Variants in CHSY1 observed in about 807,000 individuals in gnomAD.
CHSY1 encodes the protein chondroitin sulfate synthase 1, also known as N-acetylgalactosaminyl-proteoglycan 3-beta-glucuronosyltransferase 1.
In CHSY1, 13 loss-of-function variants were observed where a neutral mutation model predicts 59.8. The ratio of observed to expected loss-of-function variants is 0.22; its 90% CI spans 0.14 to 0.35. CHSY1 has a LOEUF of 0.35. CHSY1 is among the 10% of genes least tolerant of loss of function. CHSY1 has a pLI of 1.00. For synonymous variants in CHSY1, 459 were observed against 401.2 expected, an observed-to-expected ratio of 1.14 and a Z score of -1.72; for missense variants, 947 against 1,030.6, an observed-to-expected ratio of 0.92 and a Z score of 1.11.
At chr15:101,200,597 C>T (rs1160725919) in intron 2 of CHSY1, among the ~76,000 whole-genome samples, 1 of 152,186 alleles carries the variant, frequency 6.6e-6, no homozygotes, top group Admixed American at 6.5e-5. Flanking sequence ...CCCCTGCACC[C>T]CCAGATGGGT....
chr15:101,230,082 C>T (rs2038878157), intron 2 of CHSY1, among the ~76,000 whole-genome samples: 1 of 151,734 alleles, frequency 6.6e-6, no homozygotes, highest in Non-Finnish European at 1.5e-5. Flanking sequence ...ACTAGGACTA[C>T]AGGCGCCCGC....
chr15:101,176,298 A>G lies in CHSY1; in HGVS notation c.*1090T>C. ...TAATGAAAGAATGAAAACCATCTCC[A>G]CCCACATAACACAGACAGGATGAAA... On this transcript the variant is annotated 3_prime_UTR_variant, in exon 3 of 3. Transcript: ENST00000254190. 1 of 398,504 alleles carries G rather than the reference A, an allele frequency of 2.5e-6. No individual in the cohort carries two copies. The highest frequency in any genetic ancestry group is 4.4e-6 in the Non-Finnish European group (1 of 226,024). The allele number at this position is 398,504 out of a possible 1,614,324, so 24.7% of individuals were successfully genotyped here.
At chr15:101,233,386 G>A (rs1315430163) in intron 2 of CHSY1, among the ~76,000 whole-genome samples, 2 of 152,144 alleles carry the variant, frequency 1.3e-5, no homozygotes, top group Admixed American at 1.3e-4. Flanking sequence ...TATGATTCCG[G>A]CAAGAAGGTT....
chr15:101,181,269 G>A (rs765549412), intron 2 of CHSY1, among the ~76,000 whole-genome samples: 4 of 152,222 alleles, frequency 2.6e-5, no homozygotes, highest in Non-Finnish European at 5.9e-5. Context: ...AGAGCTAGCA[G>A]AGTCATGACT....
chr15:101,214,435 T>C (rs3886524), intron 2 of CHSY1, among the ~76,000 whole-genome samples: 48,517 of 152,144 alleles, frequency 0.32, 9,632 homozygotes, highest in African/African-American at 0.57. Context: ...TCAACGTCAC[T>C]GCACAAGTTG....
rs35398576 is a variant in CHSY1 at position 101,186,147 on chromosome 15, C to CAAAAAA, written c.817-7173_817-7168dup. On this transcript the variant is annotated intron_variant, in intron 2 of 2. Coordinates refer to ENST00000254190, the MANE Select transcript of CHSY1 (RefSeq NM_014918.5). ...CAACATGGTGAAACCTTGTCTCTAC[C>CAAAAAA]AAAAAAAAAAAAAAAAAAAAAAAAT... 8.9e-3 allele frequency among the ~76,000 whole-genome samples: 710 copies of CAAAAAA among 79,530 alleles called. 4 individuals carry two copies. The highest frequency in any genetic ancestry group is 0.043 in the East Asian group (111 of 2,568). 52.2% of individuals were successfully genotyped at this position (79,530 alleles called of 152,430 possible).
At chr15:101,250,211 G>A (rs865917188) in intron 1 of CHSY1, among the ~76,000 whole-genome samples, 2 of 152,194 alleles carry the variant, frequency 1.3e-5, no homozygotes, top group African/African-American at 4.8e-5. Context: ...ACATTGGTTT[G>A]CTCTGTGGCT....
chr15:101,238,060 T>C (rs1327042396), intron 1 of CHSY1, among the ~76,000 whole-genome samples: 1 of 152,224 alleles, frequency 6.6e-6, no homozygotes, highest in African/African-American at 2.4e-5. Flanking sequence ...AGCTGGAATG[T>C]GTGTGGACAA....
At chr15:101,210,153 AT>A (rs1229386679) in intron 2 of CHSY1, among the ~76,000 whole-genome samples, 1 of 152,248 alleles carries the variant, frequency 6.6e-6, no homozygotes, top group Non-Finnish European at 1.5e-5. Context: ...ATATGATTTG[AT>A]TATAATCACT....
chr15:101,184,881 T>C (rs1039494817), intron 2 of CHSY1, among the ~76,000 whole-genome samples: 1 of 152,182 alleles, frequency 6.6e-6, no homozygotes. Context: ...GACAGAGAAG[T>C]TCCTACCTGA....
intron 2 of CHSY1, among the ~76,000 whole-genome samples, chr15:101,208,328 A>G (rs1171095532): frequency 6.6e-6 from 1 of 152,168 alleles, no homozygotes. Context: ...GAGATGGCAG[A>G]CTGCAAGGCT....
Position 101,178,140 on chromosome 15 carries a change from T to C in CHSY1, c.1657A>G (p.Asn553Asp). 1 of 1,614,214 alleles carries C rather than the reference T, an allele frequency of 6.2e-7. No individual in the cohort carries two copies. Among genetic ancestry groups the C allele is most frequent in the Non-Finnish European group, 8.5e-7 (1 of 1,180,018 alleles). ...GGGATAAGACACGTCTTCTCAAAGT[T>C]TCCCATAAATCTCACAAACATGTCG... ...RFDMFVRFMGNFEKTCLIPNQ... is the reference protein window; with the variant it reads ...RFDMFVRFMGDFEKTCLIPNQ... The change falls in exon 3 of 3, where the codon AAC becomes GAC. Residue 553 changes from asparagine to aspartate, a missense_variant. Around this residue, in one of 4 missense-constraint regions of CHSY1, gnomAD observed 602 missense variants for 676.9 expected, o/e 0.89. Transcript: ENST00000254190.
intron 1 of CHSY1, among the ~76,000 whole-genome samples, chr15:101,236,880 C>A (rs1476723293): frequency 6.6e-6 from 1 of 151,706 alleles, no homozygotes; most frequent in Admixed American, 6.6e-5. Flanking sequence ...TTATAAATTA[C>A]CTATTTTGGT....
intron 2 of CHSY1, among the ~76,000 whole-genome samples, chr15:101,224,752 C>T (rs890193530): frequency 6.6e-6 from 1 of 152,190 alleles, no homozygotes; most frequent in Admixed American, 6.5e-5. Context: ...ACTTCACCTC[C>T]GACTTTCCTA....
At position 101,180,172 on chromosome 15, in the gene CHSY1, T is replaced by C. The variant is rs76772000; in HGVS notation, c.817-1192A>G. Among the ~76,000 whole-genome samples, 714 of 152,352 alleles carry C rather than the reference T, an allele frequency of 4.7e-3. 5 individuals are homozygous for C. Among genetic ancestry groups the C allele is most frequent in the African/African-American group, 0.016 (676 of 41,574 alleles). On this transcript the variant is annotated intron_variant, in intron 2 of 2. Coordinates refer to ENST00000254190, the MANE Select transcript of CHSY1 (RefSeq NM_014918.5). Reference sequence around the variant, plus strand: ...AGTAGAGAAATATAAATGGGCACTTTTATACCTTACTTCTTTTTCTCATAA... The same window carrying C: ...AGTAGAGAAATATAAATGGGCACTTCTATACCTTACTTCTTTTTCTCATAA...
chr15:101,195,731 G>A (rs530938941), intron 2 of CHSY1, among the ~76,000 whole-genome samples: 30 of 150,718 alleles, frequency 2.0e-4, no homozygotes, highest in African/African-American at 6.3e-4. Flanking sequence ...AGGCTGAGGC[G>A]AGAGAATGGT....
chr15:101,200,714 T>C (rs868781600), intron 2 of CHSY1, among the ~76,000 whole-genome samples: 8 of 152,210 alleles, frequency 5.3e-5, no homozygotes, highest in Non-Finnish European at 1.2e-4. Context: ...ATTTCTTACC[T>C]GGCTGTTGCA....
At chr15:101,247,562 C>A (rs1301178167) in intron 1 of CHSY1, among the ~76,000 whole-genome samples, 1 of 152,208 alleles carries the variant, frequency 6.6e-6, no homozygotes. Flanking sequence ...ATGTGCTTTA[C>A]AAAGAAATGG....
At chr15:101,179,938 A>G (rs1993338) in intron 2 of CHSY1, among the ~76,000 whole-genome samples, 63,293 of 152,134 alleles carry the variant, frequency 0.42, 14,515 homozygotes, top group African/African-American at 0.59. Flanking sequence ...ATGCAGAGTA[A>G]TAGTTTGCAA....
Sources: gnomAD v4.1 joint callset for allele counts (sites outside exome capture counted in the v4.1 genomes callset) on GRCh38, gnomAD v4.1.1 for gene constraint, gnomAD v4.1.1 regional missense constraint, MANE v1.5 for transcripts, NCBI Gene and HGNC (gene_info 2026-07-23, HGNC 2026-07-21) for gene names.